THSD4: variants seen among roughly 807,000 people sequenced by gnomAD.
The protein encoded by THSD4 is thrombospondin type-1 domain-containing protein 4.
THSD4 carries 69 observed loss-of-function variants against 119.0 expected under a neutral mutation model. That is an observed-to-expected ratio of 0.58 (90% CI 0.48 to 0.71). The LOEUF is 0.71. THSD4 is among the 30% of genes least tolerant of loss of function. The pLI is 0.00. For synonymous variants in THSD4, 524 were observed against 540.4 expected (o/e 0.97, Z 0.42); for missense variants, 1,393 against 1,391.1 (o/e 1.00, Z -0.02).
chr15:71,312,671 G>A (rs1354862174), intron 6 of THSD4, among the ~76,000 whole-genome samples: 2 of 152,024 alleles, frequency 1.3e-5, no homozygotes, highest in Admixed American at 1.3e-4. Context: ...AGCCACACAT[G>A]ATCAGTTACC....
chr15:71,688,686 GTTTTT>G (rs55863626), intron 8 of THSD4, among the ~76,000 whole-genome samples: 1 of 139,464 alleles, frequency 7.2e-6, no homozygotes, highest in Admixed American at 7.4e-5. Context: ...TGTTGTTGAG[GTTTTT>G]TTTTGTTTTG....
intron 7 of THSD4, among the ~76,000 whole-genome samples, chr15:71,642,947 TA>T (rs2050893358): frequency 6.6e-6 from 1 of 151,992 alleles, no homozygotes; most frequent in Non-Finnish European, 1.5e-5. Context: ...ACTTAAAGTA[TA>T]ATAATAATAA....
At chr15:71,534,940 C>A (rs201493047) in intron 7 of THSD4, among the ~76,000 whole-genome samples, 1 of 151,966 alleles carries the variant, frequency 6.6e-6, no homozygotes, top group African/African-American at 2.4e-5. Flanking sequence ...TCCTGGGTGA[C>A]AGAGCGAGAC....
chr15:71,467,522 C>G (rs2047517107), intron 7 of THSD4, among the ~76,000 whole-genome samples: 1 of 152,146 alleles, frequency 6.6e-6, no homozygotes, highest in African/African-American at 2.4e-5. Flanking sequence ...TGTTCAGATT[C>G]TTTTCTTGTC....
intron 6 of THSD4, among the ~76,000 whole-genome samples, chr15:71,304,288 G>A (rs1226320773): frequency 6.6e-6 from 1 of 152,040 alleles, no homozygotes; most frequent in Non-Finnish European, 1.5e-5. Flanking sequence ...CTCACCAGGT[G>A]AGGAGTGAAG....
intron 4 of THSD4, among the ~76,000 whole-genome samples, chr15:71,217,505 C>T (rs1429377986): frequency 2.0e-5 from 3 of 151,872 alleles, no homozygotes; most frequent in Non-Finnish European, 4.4e-5. Context: ...TGCCTGTATT[C>T]CCAGCTACTC....
At chr15:71,668,356 G>A (rs1286630731) in intron 8 of THSD4, among the ~76,000 whole-genome samples, 1 of 152,186 alleles carries the variant, frequency 6.6e-6, no homozygotes, top group East Asian at 1.9e-4. Flanking sequence ...TTCACTAGCA[G>A]AGCAGAGGAA....
intron 7 of THSD4, among the ~76,000 whole-genome samples, chr15:71,544,584 G>C (rs956626478): frequency 2.0e-5 from 3 of 152,186 alleles, no homozygotes; most frequent in Admixed American, 2.0e-4. Flanking sequence ...CACCACTATG[G>C]AGAACAGTTT....
chr15:71,470,300 C>T (rs1489659299), intron 7 of THSD4, among the ~76,000 whole-genome samples: 1 of 152,020 alleles, frequency 6.6e-6, no homozygotes, highest in Admixed American at 6.6e-5. Flanking sequence ...CTACCTATTC[C>T]CTACCTGAGG....
chr15:71,776,709 T>C (rs2053919785), intron 17 of THSD4, among the ~76,000 whole-genome samples: 1 of 152,206 alleles, frequency 6.6e-6, no homozygotes, highest in Non-Finnish European at 1.5e-5. Context: ...ATTGGATTAA[T>C]GTCCAACTTA....
chr15:71,658,377 A>G (rs2051232384), intron 7 of THSD4, among the ~76,000 whole-genome samples: 1 of 152,202 alleles, frequency 6.6e-6, no homozygotes, highest in Non-Finnish European at 1.5e-5. Context: ...GAATGAGCTC[A>G]GTCTGGACAA....
At chr15:71,331,913 A>G (rs999741812) in intron 6 of THSD4, among the ~76,000 whole-genome samples, 3 of 148,466 alleles carry the variant, frequency 2.0e-5, no homozygotes, top group African/African-American at 7.5e-5. Flanking sequence ...GTTTGTCAGC[A>G]TCTTCCAGGA....
intron 7 of THSD4, among the ~76,000 whole-genome samples, chr15:71,550,567 G>A (rs2048912086): frequency 6.6e-6 from 1 of 152,170 alleles, no homozygotes; most frequent in African/African-American, 2.4e-5. Context: ...CTCCCAAGTA[G>A]CTGGGACTAC....
At chr15:71,112,668 G>T (rs1358092269), upstream of THSD4, among the ~76,000 whole-genome samples, 6 of 152,186 alleles carry the variant, frequency 3.9e-5, no homozygotes, top group Non-Finnish European at 7.3e-5. Flanking sequence ...GCTAGCCTTT[G>T]ACTGTGATCT....
intron 8 of THSD4, among the ~76,000 whole-genome samples, chr15:71,720,492 C>T (rs542606703): frequency 4.6e-5 from 7 of 152,188 alleles, no homozygotes; most frequent in South Asian, 2.1e-4. Context: ...ATATGATTTC[C>T]GTTGGTGATA....
chr15:71,698,697 C>A (rs1226049500), intron 8 of THSD4, among the ~76,000 whole-genome samples: 1 of 145,274 alleles, frequency 6.9e-6, no homozygotes, highest in African/African-American at 2.6e-5. Flanking sequence ...TTCATCCATT[C>A]GTCTATACAC....
chr15:71,157,582 C>G (rs1052455693), intron 3 of THSD4, among the ~76,000 whole-genome samples: 1 of 151,834 alleles, frequency 6.6e-6, no homozygotes, highest in Non-Finnish European at 1.5e-5. Flanking sequence ...AACTTTGTAC[C>G]CATTGACCAA....
intron 4 of THSD4, among the ~76,000 whole-genome samples, chr15:71,232,155 G>A (rs2044066595): frequency 6.6e-6 from 1 of 152,060 alleles, no homozygotes; most frequent in Admixed American, 6.6e-5. Flanking sequence ...CTCTCAGGTC[G>A]CTCTAGGTAG....
intron 1 of THSD4, among the ~76,000 whole-genome samples, chr15:71,108,266 T>C (rs1054718041): frequency 7.2e-5 from 11 of 152,206 alleles, no homozygotes; most frequent in African/African-American, 2.7e-4. Flanking sequence ...TCATAGAAGA[T>C]GAATTCTGGC....
Sources: allele counts gnomAD v4.1 joint callset (sites outside exome capture counted in the v4.1 genomes callset), GRCh38; gene constraint gnomAD v4.1.1; transcripts MANE v1.5; gene names NCBI Gene and HGNC (gene_info 2026-07-23, HGNC 2026-07-21).